Variants in SLIT1 observed in about 807,000 individuals in gnomAD.
SLIT1 encodes the protein slit guidance ligand 1, also known as slit homolog 1 protein.
Under a neutral mutation model 186.1 loss-of-function variants are expected in SLIT1, and 66 were observed. The observed-to-expected ratio is 0.35, with a 90% CI of 0.29 to 0.44. SLIT1 has a LOEUF of 0.44. SLIT1 is among the 20% of genes least tolerant of loss of function. SLIT1 has a pLI of 1.00. For synonymous variants in SLIT1, 761 were observed against 833.8 expected (o/e 0.91, Z 1.50); for missense variants, 1,638 against 2,037.4 (o/e 0.80, Z 3.77).
At chr10:97,136,964 A>G (rs1223288039) in intron 4 of SLIT1, among the ~76,000 whole-genome samples, 5 of 152,176 alleles carry the variant, frequency 3.3e-5, no homozygotes, top group African/African-American at 9.7e-5. Context: ...CACCCTCAAC[A>G]AAGACCGATG....
intron 4 of SLIT1, among the ~76,000 whole-genome samples, chr10:97,140,817 G>A (rs1414705145): frequency 1.3e-5 from 2 of 152,124 alleles, no homozygotes; most frequent in African/African-American, 2.4e-5. Flanking sequence ...CTTCCAAAGC[G>A]ATTTGTCGAT....
chr10:97,175,888 C>T (rs1273663403), intron 1 of SLIT1, among the ~76,000 whole-genome samples: 2 of 152,204 alleles, frequency 1.3e-5, no homozygotes, highest in African/African-American at 4.8e-5. Context: ...ACACCTCACT[C>T]CCTATACCAG....
chr10:97,106,861 T>C (rs1323620755), intron 4 of SLIT1, among the ~76,000 whole-genome samples: 1 of 152,236 alleles, frequency 6.6e-6, no homozygotes, highest in African/African-American at 2.4e-5. Flanking sequence ...CTCAAGGGAC[T>C]GACAGGCATA....
At chr10:97,128,106 G>A (rs1014086080) in intron 4 of SLIT1, among the ~76,000 whole-genome samples, 4 of 150,258 alleles carry the variant, frequency 2.7e-5, no homozygotes, top group East Asian at 2.0e-4. Context: ...CCTTCTTCCC[G>A]CCCTTCCTCG....
At position 97,184,206 on chromosome 10, in the gene SLIT1, A is replaced by G. The variant is rs1850380775; in HGVS notation, c.197+1272T>C. Among the ~76,000 whole-genome samples, 1 of 152,146 alleles carries G rather than the reference A, an allele frequency of 6.6e-6. No homozygotes were observed. The highest frequency in any genetic ancestry group is 1.5e-5 in the Non-Finnish European group (1 of 68,024). The stretch of plus-strand genomic sequence containing the variant: ...TCTGATTCGGGAGACAGCTCTCCTC[A>G]GGGTCAGATTTCTGTCTCTGACCAG... On this transcript the variant is annotated intron_variant, in intron 1 of 36. Coordinates refer to ENST00000266058, the MANE Select transcript of SLIT1 (RefSeq NM_003061.3). The surrounding 1 kb of genome is among the most constrained non-coding windows in gnomAD (Gnocchi z 4.4).
At position 97,021,623 on chromosome 10, in the gene SLIT1, C is replaced by A. The variant is rs58934362; in HGVS notation, c.2583-210G>T. Among the ~76,000 whole-genome samples, 1 of 150,516 alleles carries A rather than the reference C, an allele frequency of 6.6e-6. No homozygotes were observed. Among genetic ancestry groups the A allele is most frequent in the African/African-American group, 2.5e-5 (1 of 40,800 alleles). ...TGTCGCCCAGGCTGGAGTGCAGTGGCGTAATATCAGCTCACTGCAACCTCT... is the reference window on the plus strand; with the variant it reads ...TGTCGCCCAGGCTGGAGTGCAGTGGAGTAATATCAGCTCACTGCAACCTCT... On this transcript the variant is annotated intron_variant, in intron 25 of 36. Coordinates refer to ENST00000266058, the MANE Select transcript of SLIT1 (RefSeq NM_003061.3). This position sits in a 1 kb window ranked among gnomAD's most constrained non-coding sequence, Gnocchi z 4.5.
intron 20 of SLIT1, among the ~76,000 whole-genome samples, chr10:97,042,100 C>T (rs1314271794): frequency 6.6e-6 from 1 of 151,868 alleles, no homozygotes; most frequent in African/African-American, 2.4e-5. Context: ...TTAGAAAATA[C>T]CCTGATGGTG....
intron 4 of SLIT1, among the ~76,000 whole-genome samples, chr10:97,071,922 C>A (rs757070598): frequency 2.0e-5 from 3 of 152,168 alleles, no homozygotes; most frequent in Non-Finnish European, 4.4e-5. Flanking sequence ...TACAATTCAG[C>A]AAATGCATTT....
intron 4 of SLIT1, among the ~76,000 whole-genome samples, chr10:97,070,265 C>T (rs1004705560): frequency 2.0e-5 from 3 of 152,200 alleles, no homozygotes; most frequent in Non-Finnish European, 4.4e-5. Flanking sequence ...TCATTGGTTA[C>T]GCACAATTGA....
chr10:97,049,639 G>T (rs1209988287), intron 13 of SLIT1, among the ~76,000 whole-genome samples: 1 of 152,214 alleles, frequency 6.6e-6, no homozygotes, highest in Non-Finnish European at 1.5e-5. Flanking sequence ...GTCTCCTATA[G>T]AGAGGGATGA....
chr10:97,012,101 C>T (rs1288334516), intron 30 of SLIT1, among the ~76,000 whole-genome samples: 1 of 151,298 alleles, frequency 6.6e-6, no homozygotes. Context: ...CACACACACA[C>T]ACACACACAC....
chr10:97,103,157 T>C (rs1849377125), intron 4 of SLIT1: 1 of 152,200 alleles, frequency 6.6e-6, no homozygotes, highest in South Asian at 2.1e-4. Flanking sequence ...TCAGCAGGGA[T>C]AGGTGCGAGT....
chr10:97,118,400 T>C (rs1258947674), intron 4 of SLIT1, among the ~76,000 whole-genome samples: 2 of 152,162 alleles, frequency 1.3e-5, no homozygotes, highest in Non-Finnish European at 2.9e-5. Flanking sequence ...GACCTAGCCA[T>C]GGAGTTAGAG....
At chr10:97,105,280 G>A (rs1387804940) in intron 4 of SLIT1, among the ~76,000 whole-genome samples, 1 of 152,202 alleles carries the variant, frequency 6.6e-6, no homozygotes, top group East Asian at 1.9e-4. Context: ...TATTTGACAA[G>A]ATAAAAACAG....
rs555833579 is a variant in SLIT1 at position 97,150,159 on chromosome 10, G to A, written c.413+7659C>T. ...AAGGAGGCTCTGGCTGGGGAGGGGCGGCTGGGAGCCCCGTTCTCGTGTGCT... is the reference window on the plus strand; with the variant it reads ...AAGGAGGCTCTGGCTGGGGAGGGGCAGCTGGGAGCCCCGTTCTCGTGTGCT... On this transcript the variant is annotated intron_variant, in intron 4 of 36. Coordinates refer to ENST00000266058, the MANE Select transcript of SLIT1 (RefSeq NM_003061.3). 6.6e-5 allele frequency among the ~76,000 whole-genome samples: 10 copies of A among 152,240 alleles called. No homozygotes were observed. The East Asian group carries it at 1.7e-3, about 26-fold the overall frequency.
rs898009439 is a variant in SLIT1, at chr10:97,094,114, C to T, written c.414-28028G>A. ...TGGAAAGGCAGCTAGGTCACCCTGC[C>T]CCCAGAGGACCTCCTGTGTCCTACG... On this transcript the variant is annotated intron_variant, in intron 4 of 36. Transcript: ENST00000266058. Among the ~76,000 whole-genome samples the T allele has an allele frequency of 7.2e-5, 11 of 152,184 alleles. No individual in the cohort carries two copies. In the East Asian group the frequency reaches 9.6e-4, roughly 13 times the overall value.
intron 4 of SLIT1, among the ~76,000 whole-genome samples, chr10:97,128,179 C>G (rs1256932329): frequency 6.6e-6 from 1 of 152,178 alleles, no homozygotes; most frequent in Non-Finnish European, 1.5e-5. Flanking sequence ...CCTCCTCCAT[C>G]CACGCTGCTT....
chr10:97,166,569 G>GAGAGAGAGAGAGAAAGAA (rs1444883867), intron 1 of SLIT1, among the ~76,000 whole-genome samples: 5 of 58,956 alleles, frequency 8.5e-5, no homozygotes, highest in Admixed American at 1.9e-4. Flanking sequence ...GAGAGAGAGA[G>GAGAGAGAGAGAGAAAGAA]AGAAAGAAAG....
Position 97,031,631 on chromosome 10 carries a change from G to T in SLIT1, c.2485C>A (p.Gln829Lys), listed in dbSNP as rs999844412. 1.9e-6 allele frequency: 3 copies of T among 1,552,208 alleles called. No homozygotes were observed. Among genetic ancestry groups the T allele is most frequent in the Non-Finnish European group, 2.6e-6 (3 of 1,147,178 alleles). ...ALQCIPPLAF[Q>K]GLRSLRLLSL... Reference sequence around the variant, plus strand: ...AGCAGGCGCAGGGAGCGGAGTCCCTGGAAGGCCAAAGGCGGGATGCACTGC... The same window carrying T: ...AGCAGGCGCAGGGAGCGGAGTCCCTTGAAGGCCAAAGGCGGGATGCACTGC... The change falls in exon 24 of 37, where the codon CAG (glutamine) becomes AAG (lysine). Residue 829 changes from glutamine (Q) to lysine (K), a missense_variant. By Grantham distance (53) the Gln-to-Lys change is moderately conservative. Transcript: ENST00000266058.
Sources: gnomAD v4.1 joint callset for allele counts (sites outside exome capture counted in the v4.1 genomes callset) on GRCh38, gnomAD v4.1.1 for gene constraint, Gnocchi (gnomAD v3.1) non-coding constraint, MANE v1.5 for transcripts, NCBI Gene and HGNC (gene_info 2026-07-23, HGNC 2026-07-21) for gene names.